Variants in DMGDH observed in about 807,000 individuals in gnomAD.
The protein encoded by DMGDH is dimethylglycine dehydrogenase, mitochondrial.
DMGDH carries 76 observed loss-of-function variants against 95.2 expected under a neutral mutation model. The observed-to-expected ratio is 0.80, with a 90% CI of 0.66 to 0.97. The LOEUF is 0.97. Among genes scored for constraint, DMGDH ranks in the 50% least tolerant of loss-of-function variants. DMGDH has a pLI of 0.00. For missense variants in DMGDH, 987 were observed against 1,055.0 expected, an observed-to-expected ratio of 0.94 and a Z score of 0.89; for synonymous variants, 345 against 377.6, an observed-to-expected ratio of 0.91 and a Z score of 1.00.
chr5:79,027,386 T>G (rs1054572871), intron 12 of DMGDH, among the ~76,000 whole-genome samples: 1 of 152,182 alleles, frequency 6.6e-6, no homozygotes, highest in Non-Finnish European at 1.5e-5. Flanking sequence ...GGAAAAGGTA[T>G]AGCAGCAGCC....
intron 15 of DMGDH, among the ~76,000 whole-genome samples, chr5:79,003,026 T>A (rs918332427): frequency 6.6e-6 from 1 of 152,238 alleles, no homozygotes; most frequent in Admixed American, 6.5e-5. Context: ...GTTTTAAAAC[T>A]AATTTTGTTA....
At position 79,069,608 on chromosome 5, in the gene DMGDH, C is replaced by T; in HGVS notation, c.13G>A (p.Gly5Ser). 7.3e-7 allele frequency: 1 copy of T among 1,372,586 alleles called. No homozygotes were observed. The highest frequency in any genetic ancestry group is 9.4e-7 in the Non-Finnish European group (1 of 1,061,122). The allele number at this position is 1,372,586 out of a possible 1,614,324, so 85.0% of individuals were successfully genotyped here. A position where few individuals can be genotyped will look rare whatever the true frequency, so the allele number is the denominator to read the frequency against. Residue 5 changes from glycine (G) to serine (S), a missense_variant, in exon 1 of 16, where the codon GGC becomes AGC. By Grantham distance (56) the Gly-to-Ser change is moderately conservative. Transcript: ENST00000255189. MLRPGAQLLRGLLLR... is the reference protein window; with the variant it reads MLRPSAQLLRGLLLR... ...AGGAGGCCCCGCAGCAGCTGCGCGC[C>T]GGGACGGAGCATGACTAGGCCGAGG...
intron 8 of DMGDH, 47 bp from the exon 9 acceptor site, chr5:79,032,887 C>A (rs183647316): frequency 3.1e-6 from 5 of 1,607,162 alleles, no homozygotes; most frequent in Non-Finnish European, 4.3e-6. Flanking sequence ...GCCAAAACAA[C>A]AAGATACTTA....
chr5:79,064,723 A>G (rs62377937), intron 1 of DMGDH, among the ~76,000 whole-genome samples: 5,296 of 152,030 alleles, frequency 0.035, 135 homozygotes, highest in Middle Eastern at 0.058. Flanking sequence ...TTTTTCTATT[A>G]CAAAATATAT....
At position 79,063,717 on chromosome 5, in the gene DMGDH, C is replaced by T. The variant is rs377488464; in HGVS notation, c.172G>A (p.Gly58Ser). 9 of 1,614,082 alleles carry T rather than the reference C, an allele frequency of 5.6e-6. No homozygotes were observed. Among genetic ancestry groups the T allele is most frequent in the African/African-American group, 1.3e-5 (1 of 74,934 alleles). Reference protein sequence around the residue: ...DRAETVIIGGGCVGVSLAYHL... With the variant: ...DRAETVIIGGSCVGVSLAYHL... The stretch of plus-strand genomic sequence containing the variant: ...TAAGCCAGACTCACACCAACACAGC[C>T]ACCTCCAATTATCACTGTTTCTGCT... Residue 58 changes from glycine to serine, a missense_variant, in exon 2 of 16, where the codon GGC becomes AGC. By Grantham distance (56) the Gly-to-Ser change is moderately conservative. Transcript: ENST00000255189.
intron 14 of DMGDH, among the ~76,000 whole-genome samples, chr5:79,006,248 C>T (rs954201059): frequency 6.7e-6 from 1 of 150,068 alleles, no homozygotes; most frequent in African/African-American, 2.4e-5. Context: ...ATCAGGCAAA[C>T]TGGAAGACTT....
At chr5:79,042,934 A>C (rs933821910) in intron 6 of DMGDH, among the ~76,000 whole-genome samples, 9 of 152,142 alleles carry the variant, frequency 5.9e-5, no homozygotes, top group Non-Finnish European at 1.3e-4. Flanking sequence ...AAGATGATGG[A>C]TTTTAGACCC....
intron 14 of DMGDH, chr5:79,020,768 G>C: frequency 1.0e-6 from 1 of 984,426 alleles, no homozygotes. Context: ...AGAGGGAGAA[G>C]GAGAGAGTGA....
At chr5:79,068,657 C>A (rs1755450372) in intron 1 of DMGDH, among the ~76,000 whole-genome samples, 1 of 152,202 alleles carries the variant, frequency 6.6e-6, no homozygotes, top group African/African-American at 2.4e-5. Context: ...AAATTCGAAT[C>A]AACTCATAAT....
intron 2 of DMGDH, among the ~76,000 whole-genome samples, chr5:79,057,986 T>A (rs1458989360): frequency 6.6e-6 from 1 of 152,206 alleles, no homozygotes; most frequent in Non-Finnish European, 1.5e-5. Context: ...TTCTCTTTCA[T>A]GTGAAAAGGT....
chr5:79,000,517 A>G (rs1753435625), intron 15 of DMGDH: 1 of 595,910 alleles, frequency 1.7e-6, no homozygotes, highest in Middle Eastern at 2.9e-4. Context: ...GCCATGATCA[A>G]TCAGAGATAA....
rs1266755592 is a variant in DMGDH, at chr5:79,061,262, CACACA to C, written c.276+2346_276+2350del. Reference sequence around the variant, plus strand: ...ACACACACACACACACACACACACACACACAAACACCTAATATGTTGGATTTCTTC... The same window carrying C: ...ACACACACACACACACACACACACACAACACCTAATATGTTGGATTTCTTC... On this transcript the variant is annotated intron_variant, in intron 2 of 15. Transcript: ENST00000255189. Among the ~76,000 whole-genome samples, 224 of 127,306 alleles carry C rather than the reference CACACA, an allele frequency of 1.8e-3. 8 individuals carry two copies. The East Asian group carries it at 0.044, about 25-fold the overall frequency. The allele number at this position is 127,306 out of a possible 152,430, so 83.5% of individuals were successfully genotyped here.
At chr5:79,060,546 T>G (rs1755169706) in intron 2 of DMGDH, among the ~76,000 whole-genome samples, 1 of 152,174 alleles carries the variant, frequency 6.6e-6, no homozygotes, top group South Asian at 2.1e-4. Flanking sequence ...CTGCCTTTAT[T>G]TTTATAGTCT....
chr5:79,003,478 G>A (rs1178693414), intron 15 of DMGDH, among the ~76,000 whole-genome samples: 1 of 152,242 alleles, frequency 6.6e-6, no homozygotes, highest in Admixed American at 6.5e-5. Flanking sequence ...TAGGGAGAAA[G>A]GTAGCAACAG....
intron 14 of DMGDH, chr5:79,021,010 C>T: frequency 1.0e-6 from 1 of 985,456 alleles, no homozygotes; most frequent in Non-Finnish European, 1.2e-6. Flanking sequence ...TAAACAAAGG[C>T]TACTGATTTT....
intron 7 of DMGDH, among the ~76,000 whole-genome samples, chr5:79,038,411 G>A (rs1754408153): frequency 6.6e-6 from 1 of 152,152 alleles, no homozygotes; most frequent in Admixed American, 6.5e-5. Flanking sequence ...TTGAACCCGG[G>A]AGGTGGAGGT....
chr5:79,042,110 A>G (rs1294067992), intron 7 of DMGDH, among the ~76,000 whole-genome samples, 173 bp downstream of exon 7: 1 of 152,138 alleles, frequency 6.6e-6, no homozygotes, highest in East Asian at 1.9e-4. Context: ...TTTTTTATTC[A>G]TTGTATGAAT....
chr5:79,054,682 G>A (rs1754970495), intron 3 of DMGDH, among the ~76,000 whole-genome samples: 1 of 152,164 alleles, frequency 6.6e-6, no homozygotes, highest in African/African-American at 2.4e-5. Context: ...GAGTGTTAAT[G>A]TACAGCGTGA....
Position 79,044,425 on chromosome 5 carries a change from G to A in DMGDH, c.873C>T (p.Leu291=), listed in dbSNP as rs574013440. The A allele has an allele frequency of 1.8e-5, 29 of 1,614,138 alleles. No homozygotes were observed. In the South Asian group the frequency reaches 3.1e-4, roughly 17 times the overall value. ...VKALKRELPV[L]RDLEGSYYLR... ...GATAATATGATCCTTCCAGGTCACG[G>A]AGCACAGGCAGTTCTCGTTTCAAAG... Residue 291 remains leucine (L), a synonymous_variant, in exon 6 of 16, where the codon CTC becomes CTT. Coordinates refer to ENST00000255189, the MANE Select transcript of DMGDH (RefSeq NM_013391.3).
Sources: gnomAD v4.1 joint callset for allele counts (sites outside exome capture counted in the v4.1 genomes callset) on GRCh38, gnomAD v4.1.1 for gene constraint, MANE v1.5 for transcripts, NCBI Gene and HGNC (gene_info 2026-07-23, HGNC 2026-07-21) for gene names.